Variants in ANG observed in about 807,000 individuals in gnomAD.
ANG encodes angiogenin, also known as Homo sapiens epididymis luminal protein 168.
For missense variants in ANG, 178 were observed against 187.4 expected, an observed-to-expected ratio of 0.95 and a Z score of 0.29; for synonymous variants, 74 against 73.8, an observed-to-expected ratio of 1.00 and a Z score of -0.02.
In ANG at chr14:20,693,407, A is replaced by G. The variant is rs570775661; in HGVS notation, c.-18-140A>G. Reference sequence around the variant, plus strand: ...TTGACGAAGTGTGAGGTTAATGAGGAAGGGAAAATAGAATATAAAATTTGG... The same window carrying G: ...TTGACGAAGTGTGAGGTTAATGAGGGAGGGAAAATAGAATATAAAATTTGG... On this transcript the variant is annotated intron_variant, in intron 1 of 1. Coordinates refer to ENST00000397990, the MANE Select transcript of ANG (RefSeq NM_001097577.3). The G allele has an allele frequency of 4.5e-5, 50 of 1,120,658 alleles. 1 individual carries two copies. The Middle Eastern group carries it at 1.2e-3, about 26-fold the overall frequency. 69.4% of individuals were successfully genotyped at this position (1,120,658 alleles called of 1,614,324 possible).
upstream of ANG, chr14:20,684,582 T>C (rs1886332023): frequency 6.6e-6 from 1 of 152,346 alleles, no homozygotes; most frequent in African/African-American, 2.4e-5. Flanking sequence ...TCTCCGTCCG[T>C]GTACACACAC....
rs776687942 is a variant in ANG, at chr14:20,693,669, C to T, written c.105C>T (p.Thr35=). The T allele has an allele frequency of 6.2e-7, 1 of 1,613,998 alleles. No individual in the cohort carries two copies. Among genetic ancestry groups the T allele is most frequent in the Non-Finnish European group, 8.5e-7 (1 of 1,180,022 alleles). The part of the protein sequence containing the change: ...QDNSRYTHFL[T]QHYDAKPQGR... The stretch of plus-strand genomic sequence containing the variant: ...ACTCCAGGTACACACACTTCCTGAC[C>T]CAGCACTATGATGCCAAACCACAGG... Residue 35 remains threonine (T), a synonymous_variant, in exon 2 of 2, where the codon ACC becomes ACT. Transcript: ENST00000397990.
chr14:20,684,678 AC>A (rs1168295258), upstream of ANG: 3 of 152,314 alleles, frequency 2.0e-5, no homozygotes, highest in African/African-American at 7.2e-5. Context: ...CCATCATCGT[AC>A]TAGGGAGGAA....
At chr14:20,685,885 C>T (rs1461200890), upstream of ANG, among the ~76,000 whole-genome samples, 22 of 151,790 alleles carry the variant, frequency 1.4e-4, no homozygotes, top group Admixed American at 1.4e-3. Flanking sequence ...ACTAAAAATA[C>T]AAAAATTAGC....
At chr14:20,684,406 G>A (rs948989995), upstream of ANG, 1 of 152,246 alleles carries the variant, frequency 6.6e-6, no homozygotes, top group South Asian at 2.1e-4. Flanking sequence ...CGGATCCCAG[G>A]CTCGTTCTTT....
intron 1 of ANG, among the ~76,000 whole-genome samples, chr14:20,693,221 C>T (rs910515053): frequency 5.9e-5 from 9 of 152,130 alleles, no homozygotes; most frequent in Non-Finnish European, 1.2e-4. Flanking sequence ...ATGTAATGTT[C>T]ATTATTCAAT....
rs779304641 is a variant in ANG at position 20,693,608 on chromosome 14, G to A, written c.44G>A (p.Gly15Asp). 1 of 1,613,922 alleles carries A rather than the reference G, an allele frequency of 6.2e-7. No individual in the cohort carries two copies. The highest frequency in any genetic ancestry group is 8.5e-7 in the Non-Finnish European group (1 of 1,180,034). ...LGVLLLVFVL[G>D]LGLTPPTLAQ... ...GTTTTGTTGTTGGTCTTCGTGCTGG[G>A]TCTGGGTCTGACCCCACCGACCCTG... The change falls in exon 2 of 2, where the codon GGT becomes GAT. Residue 15 changes from glycine (G) to aspartate (D), a missense_variant. Transcript: ENST00000397990.
chr14:20,685,382 CA>C (rs951067483), upstream of ANG, among the ~76,000 whole-genome samples: 3 of 152,172 alleles, frequency 2.0e-5, no homozygotes, highest in Admixed American at 6.5e-5. Flanking sequence ...CAGCACCACT[CA>C]GGGGGCTAGG....
At chr14:20,689,548 C>A (rs1304204957) in intron 1 of ANG, among the ~76,000 whole-genome samples, 1 of 152,082 alleles carries the variant, frequency 6.6e-6, no homozygotes, top group South Asian at 2.1e-4. Flanking sequence ...CTGAACATTG[C>A]CTGTGGGGAG....
At chr14:20,687,175 A>G (rs1004293432), upstream of ANG, among the ~76,000 whole-genome samples, 2 of 152,372 alleles carry the variant, frequency 1.3e-5, no homozygotes, top group Non-Finnish European at 2.9e-5. Context: ...AACACAAATG[A>G]CTAAGTGCTT....
At chr14:20,687,252 T>C (rs1886470209), upstream of ANG, among the ~76,000 whole-genome samples, 1 of 152,236 alleles carries the variant, frequency 6.6e-6, no homozygotes, top group Non-Finnish European at 1.5e-5. Context: ...AAAACTTCCT[T>C]GTGCCAAGTT....
At chr14:20,686,299 T>G (rs1886424728), upstream of ANG, among the ~76,000 whole-genome samples, 3 of 152,038 alleles carry the variant, frequency 2.0e-5, no homozygotes, top group Non-Finnish European at 4.4e-5. Flanking sequence ...ATGGAAAAAA[T>G]CATTCCAGGA....
At position 20,693,990 on chromosome 14, in the gene ANG, A is replaced by G. The variant is rs1019789312; in HGVS notation, c.426A>G (p.Ser142=). ...GCTTACCTGTCCACTTGGATCAGTCAATTTTCCGTCGTCCGTAACCAGCGG... is the reference window on the plus strand; with the variant it reads ...GCTTACCTGTCCACTTGGATCAGTCGATTTTCCGTCGTCCGTAACCAGCGG... ...ENGLPVHLDQ[S]IFRRP Residue 142 remains serine (S), a synonymous_variant, in exon 2 of 2, where the codon TCA becomes TCG. Coordinates refer to ENST00000397990, the MANE Select transcript of ANG (RefSeq NM_001097577.3). 1 of 1,613,868 alleles carries G rather than the reference A, an allele frequency of 6.2e-7. No homozygotes were observed. Among genetic ancestry groups the G allele is most frequent in the African/African-American group, 1.3e-5 (1 of 74,822 alleles).
intron 1 of ANG, among the ~76,000 whole-genome samples, chr14:20,692,911 G>A (rs1426629874): frequency 6.6e-6 from 1 of 151,946 alleles, no homozygotes; most frequent in Non-Finnish European, 1.5e-5. Context: ...GCAGTGGCGC[G>A]ATCTCGGCTC....
At chr14:20,688,289 G>A (rs8008440), upstream of ANG, among the ~76,000 whole-genome samples, 19,503 of 152,132 alleles carry the variant, frequency 0.13, 1,331 homozygotes, top group African/African-American at 0.17. Context: ...GTATGAAATC[G>A]ATGGAATAAC....
intron 1 of ANG, among the ~76,000 whole-genome samples, chr14:20,692,373 A>G (rs1886804635): frequency 6.6e-6 from 1 of 152,216 alleles, no homozygotes; most frequent in Non-Finnish European, 1.5e-5. Flanking sequence ...CTTTCTTCAC[A>G]TTAGCTGACT....
Position 20,688,805 on chromosome 14 carries a change from G to A in ANG, c.-88G>A. On this transcript the variant is annotated 5_prime_UTR_variant, in exon 1 of 2. Coordinates refer to ENST00000397990, the MANE Select transcript of ANG (RefSeq NM_001097577.3). ...TCACACAACTGGAACCCATCTCCAG[G>A]AACAAACAGCTGGAACCCATCTCCC... is the stretch of plus-strand genomic sequence containing the variant. 1 of 985,310 alleles carries A rather than the reference G, an allele frequency of 1.0e-6. No homozygotes were observed. Among genetic ancestry groups the A allele is most frequent in the Non-Finnish European group, 1.2e-6 (1 of 829,908 alleles). The allele number at this position is 985,310 out of a possible 1,614,324, so 61.0% of individuals were successfully genotyped here. A position where few individuals can be genotyped will look rare whatever the true frequency, so the allele number is the denominator to read the frequency against.
upstream of ANG, chr14:20,684,286 G>A (rs1007723837): frequency 6.6e-6 from 1 of 152,282 alleles, no homozygotes; most frequent in Non-Finnish European, 1.5e-5. Flanking sequence ...GGTAGTCTCT[G>A]AAGGGCCGCC....
rs752759936 is a variant in ANG, at chr14:20,693,594, G to A, written c.30G>A (p.Leu10=). MVMGLGVLL[L]VFVLGLGLTP... Reference sequence around the variant, plus strand: ...TGATGGGCCTGGGCGTTTTGTTGTTGGTCTTCGTGCTGGGTCTGGGTCTGA... The same window carrying A: ...TGATGGGCCTGGGCGTTTTGTTGTTAGTCTTCGTGCTGGGTCTGGGTCTGA... The change falls in exon 2 of 2, where the codon TTG becomes TTA. Residue 10 remains leucine (L), a synonymous_variant. Transcript: ENST00000397990. 2.5e-6 allele frequency: 4 copies of A among 1,613,448 alleles called. No individual in the cohort carries two copies. The African/African-American group carries it at 5.3e-5, about 22-fold the overall frequency.
Sources: gnomAD v4.1 joint callset for allele counts (sites outside exome capture counted in the v4.1 genomes callset) on GRCh38, gnomAD v4.1.1 for gene constraint, MANE v1.5 for transcripts, NCBI Gene and HGNC (gene_info 2026-07-23, HGNC 2026-07-21) for gene names.